NRG3: variants seen among roughly 807,000 people sequenced by gnomAD.
The protein encoded by NRG3 is neuregulin 3, also known as pro-neuregulin-3, membrane-bound isoform.
NRG3 carries 31 observed loss-of-function variants against 66.9 expected under a neutral mutation model. The observed-to-expected ratio is 0.46, with a 90% CI of 0.35 to 0.63. The LOEUF (loss-of-function observed/expected upper bound fraction) is 0.63. Ranked by LOEUF, NRG3 falls within the 20% of genes least tolerant of loss-of-function variation. The pLI is 0.00. For missense variants in NRG3, 910 were observed against 878.9 expected, an observed-to-expected ratio of 1.04 and a Z score of -0.45; for synonymous variants, 393 against 359.4, an observed-to-expected ratio of 1.09 and a Z score of -1.06.
intron 1 of NRG3, among the ~76,000 whole-genome samples, chr10:81,908,168 T>C (rs904063066): frequency 7.2e-5 from 11 of 152,168 alleles, no homozygotes; most frequent in Admixed American, 2.6e-4. Context: ...TGCAGGTATA[T>C]AGAATTAATA....
chr10:82,720,810 CATATAT>C lies in NRG3; in HGVS notation c.954-17740_954-17735del, dbSNP rs5786567. Among the ~76,000 whole-genome samples, 247 of 114,734 alleles carry C rather than the reference CATATAT, an allele frequency of 2.2e-3. 6 individuals are homozygous for C. The highest frequency in any genetic ancestry group is 5.6e-3 in the African/African-American group (128 of 22,856). The allele number at this position is 114,734 out of a possible 152,430, so 75.3% of individuals were successfully genotyped here. Reference sequence around the variant, plus strand: ...AACACATATATAGGAGTATTTTATACATATATATATATATATATATATATATATATA... The same window carrying C: ...AACACATATATAGGAGTATTTTATACATATATATATATATATATATATATA... On this transcript the variant is annotated intron_variant, in intron 2 of 8. Coordinates refer to ENST00000372141, the MANE Select transcript of NRG3 (RefSeq NM_001010848.4).
At chr10:82,682,317 C>T (rs1407974941) in intron 2 of NRG3, among the ~76,000 whole-genome samples, 6 of 152,040 alleles carry the variant, frequency 3.9e-5, no homozygotes, top group African/African-American at 1.5e-4. Flanking sequence ...GTGAATATCA[C>T]ACACTGTTCA....
intron 1 of NRG3, among the ~76,000 whole-genome samples, chr10:82,067,571 C>T (rs1014410069): frequency 6.6e-6 from 1 of 152,212 alleles, no homozygotes; most frequent in African/African-American, 2.4e-5. Flanking sequence ...TGGTCTCAAA[C>T]TGCTGACCTC....
chr10:81,994,052 T>C (rs1238312957), intron 1 of NRG3, among the ~76,000 whole-genome samples: 1 of 152,194 alleles, frequency 6.6e-6, no homozygotes, highest in Non-Finnish European at 1.5e-5. Context: ...AAAATGTAAT[T>C]GCTGGGTCAA....
chr10:82,048,705 C>T (rs575924741), intron 1 of NRG3, among the ~76,000 whole-genome samples: 1 of 151,694 alleles, frequency 6.6e-6, no homozygotes, highest in African/African-American at 2.4e-5. Context: ...AAAGCAAGAG[C>T]GAACACATTC....
At chr10:82,052,919 C>T (rs2063667647) in intron 1 of NRG3, among the ~76,000 whole-genome samples, 1 of 152,040 alleles carries the variant, frequency 6.6e-6, no homozygotes. Context: ...TTTGCAACTA[C>T]ACAAGAAAAT....
At chr10:82,043,616 T>C (rs1246937377) in intron 1 of NRG3, among the ~76,000 whole-genome samples, 1 of 152,010 alleles carries the variant, frequency 6.6e-6, no homozygotes, top group African/African-American at 2.4e-5. Context: ...AATCATCCTG[T>C]CACCTCCACA....
chr10:82,083,970 G>C (rs983983060), intron 1 of NRG3, among the ~76,000 whole-genome samples: 1 of 151,570 alleles, frequency 6.6e-6, no homozygotes, highest in Non-Finnish European at 1.5e-5. Context: ...GCTCACTCCT[G>C]TAATCACAGC....
intron 1 of NRG3, among the ~76,000 whole-genome samples, chr10:82,311,198 T>G (rs951255647): frequency 2.6e-5 from 4 of 152,248 alleles, no homozygotes; most frequent in Non-Finnish European, 4.4e-5. Flanking sequence ...AGTTGCCTAG[T>G]AGTAAAGAGG....
At chr10:82,733,024 T>C (rs2783416) in intron 2 of NRG3, among the ~76,000 whole-genome samples, 103,512 of 151,956 alleles carry the variant, frequency 0.68, 35,702 homozygotes, top group East Asian at 0.8. Flanking sequence ...CCATTTTTTT[T>C]CCCTATGAAT....
In NRG3 at chr10:82,630,515, T is replaced by A. The variant is rs1232977465; in HGVS notation, c.954-108062T>A. Reference sequence around the variant, plus strand: ...TCCTTTCCACCAGTTATTTTCAGTGTAAGAATTTTAAGTTGGCCCGGACGT... The same window carrying A: ...TCCTTTCCACCAGTTATTTTCAGTGAAAGAATTTTAAGTTGGCCCGGACGT... On this transcript the variant is annotated intron_variant, in intron 2 of 8. Transcript: ENST00000372141. 2.0e-5 allele frequency among the ~76,000 whole-genome samples: 3 copies of A among 152,036 alleles called. No homozygotes were observed. The East Asian group carries it at 5.8e-4, about 29-fold the overall frequency.
chr10:82,524,166 A>G (rs146246331), intron 2 of NRG3, among the ~76,000 whole-genome samples: 168 of 152,178 alleles, frequency 1.1e-3, no homozygotes, highest in African/African-American at 4.0e-3. Flanking sequence ...CTTATAAAAT[A>G]TATCTCATTT....
chr10:82,162,683 C>T (rs1456997107), intron 1 of NRG3, among the ~76,000 whole-genome samples: 2 of 152,088 alleles, frequency 1.3e-5, no homozygotes, highest in African/African-American at 4.8e-5. Flanking sequence ...GCAGAGAAAC[C>T]AGTAAGTCAA....
chr10:82,448,101 A>G (rs1268388265), intron 2 of NRG3, among the ~76,000 whole-genome samples: 2 of 152,250 alleles, frequency 1.3e-5, no homozygotes, highest in African/African-American at 4.8e-5. Context: ...TGCATCCCTA[A>G]GAAATACAGT....
At chr10:82,968,140 C>T (rs1042998051) in intron 6 of NRG3, among the ~76,000 whole-genome samples, 1 of 152,178 alleles carries the variant, frequency 6.6e-6, no homozygotes, top group Non-Finnish European at 1.5e-5. Flanking sequence ...ACAGGAATAG[C>T]GACTTCCAAA....
At chr10:82,872,950 T>G (rs970912488) in intron 4 of NRG3, among the ~76,000 whole-genome samples, 6 of 152,114 alleles carry the variant, frequency 3.9e-5, no homozygotes, top group African/African-American at 1.4e-4. Context: ...AGTCACCACT[T>G]TAGGACCGGA....
chr10:81,891,729 C>T (rs1367557102), intron 1 of NRG3, among the ~76,000 whole-genome samples: 1 of 152,180 alleles, frequency 6.6e-6, no homozygotes, highest in Non-Finnish European at 1.5e-5. Flanking sequence ...ATGCCCCTGC[C>T]TAGTTTGGGA....
chr10:82,276,775 T>C (rs929560109), intron 1 of NRG3, among the ~76,000 whole-genome samples: 2 of 152,016 alleles, frequency 1.3e-5, no homozygotes, highest in African/African-American at 4.8e-5. Flanking sequence ...AATGACATAC[T>C]GATCTTTATA....
chr10:82,655,042 A>G (rs1320526526), intron 2 of NRG3, among the ~76,000 whole-genome samples: 4 of 152,006 alleles, frequency 2.6e-5, no homozygotes, highest in African/African-American at 7.2e-5. Context: ...TGCCTTAACT[A>G]TTATATAAAA....
Sources: gnomAD v4.1 joint callset for allele counts (sites outside exome capture counted in the v4.1 genomes callset) on GRCh38, gnomAD v4.1.1 for gene constraint, MANE v1.5 for transcripts, NCBI Gene and HGNC (gene_info 2026-07-23, HGNC 2026-07-21) for gene names.